Variants in MTMR3 observed in about 807,000 individuals in gnomAD.
The protein encoded by MTMR3 is myotubularin related protein 3, also known as phosphatidylinositol-3,5-bisphosphate 3-phosphatase MTMR3.
Under a neutral mutation model 132.4 loss-of-function variants are expected in MTMR3, and 32 were observed. The observed-to-expected ratio is 0.24, with a 90% CI of 0.18 to 0.32. The LOEUF (loss-of-function observed/expected upper bound fraction) is 0.32. MTMR3 is among the 10% of genes least tolerant of loss of function. The pLI, the probability that MTMR3 is intolerant of heterozygous loss-of-function variation, is 1.00. For synonymous variants in MTMR3, 556 were observed against 550.3 expected (o/e 1.01, Z -0.14); for missense variants, 1,216 against 1,489.6 (o/e 0.82, Z 3.02).
chr22:29,962,137 A>T (rs2066324401), intron 2 of MTMR3, among the ~76,000 whole-genome samples: 1 of 152,258 alleles, frequency 6.6e-6, no homozygotes, highest in Non-Finnish European at 1.5e-5. Flanking sequence ...GGATAGACTT[A>T]TGAAATAGTT....
At chr22:29,983,856 A>C (rs1204116497) in intron 5 of MTMR3, 1 of 151,906 alleles carries the variant, frequency 6.6e-6, no homozygotes, top group Non-Finnish European at 1.5e-5. Flanking sequence ...GGTTGGTCTC[A>C]AAACTCCTGG....
chr22:30,007,867 T>A, intron 10 of MTMR3, 34 bp from the exon 11 acceptor site: 1 of 1,610,924 alleles, frequency 6.2e-7, no homozygotes, highest in Non-Finnish European at 8.5e-7. Flanking sequence ...AGAGACAGGC[T>A]CATTTAGTAT....
At chr22:30,021,012 C>A (rs1569055498) in intron 17 of MTMR3, 128 bp downstream of exon 17, 1 of 954,072 alleles carries the variant, frequency 1.0e-6, no homozygotes, top group Non-Finnish European at 1.5e-6. Context: ...CAGAGTAGCC[C>A]TGTTAAGAGA....
At chr22:29,981,047 A>G (rs2066732337) in intron 5 of MTMR3, 1 of 152,244 alleles carries the variant, frequency 6.6e-6, no homozygotes, top group Admixed American at 6.5e-5. Context: ...AGTTCAGGTG[A>G]TAACTTCTCC....
chr22:29,996,317 A>G (rs2067058936), intron 7 of MTMR3: 1 of 152,242 alleles, frequency 6.6e-6, no homozygotes. Context: ...CCTGCTAGTC[A>G]GTATATATTT....
chr22:29,950,909 T>C (rs965075596), intron 1 of MTMR3, among the ~76,000 whole-genome samples: 2 of 138,636 alleles, frequency 1.4e-5, no homozygotes, highest in African/African-American at 2.5e-5. Flanking sequence ...TCCTAGCACG[T>C]TGGGAGGCCG....
chr22:29,998,494 T>G (rs2067106313), intron 7 of MTMR3: 1 of 182,092 alleles, frequency 5.5e-6, no homozygotes, highest in Non-Finnish European at 1.1e-5. Context: ...AGTGCAAAAA[T>G]TAGCCAGTCA....
intron 1 of MTMR3, among the ~76,000 whole-genome samples, chr22:29,929,441 T>C (rs1342624523): frequency 6.6e-6 from 1 of 152,204 alleles, no homozygotes; most frequent in African/African-American, 2.4e-5. Context: ...TGTTTTCATA[T>C]GTGTGTTGAA....
intron 2 of MTMR3, 61 bp from the exon 3 acceptor site, chr22:29,970,915 C>T (rs937232829): frequency 1.3e-5 from 9 of 715,196 alleles, no homozygotes; most frequent in Middle Eastern, 2.6e-4. Flanking sequence ...AAAACTATTG[C>T]CAATTTTGCC....
chr22:30,016,359 T>G, intron 14 of MTMR3, 169 bp from the exon 15 acceptor site: 3 of 630,956 alleles, frequency 4.8e-6, no homozygotes, highest in African/African-American at 1.8e-5. Flanking sequence ...GGTCCTGGAA[T>G]TGGTGGTGTG....
intron 1 of MTMR3, among the ~76,000 whole-genome samples, chr22:29,947,785 T>G (rs955912930): frequency 6.6e-6 from 1 of 152,194 alleles, no homozygotes; most frequent in Non-Finnish European, 1.5e-5. Flanking sequence ...TGGATGGCAG[T>G]CACATGTATT....
chr22:30,027,074 C>G lies in MTMR3; in HGVS notation c.*1273C>G, dbSNP rs1171905847. The stretch of plus-strand genomic sequence containing the variant: ...AGCTTTGATATGGTCCAAAAACAGC[C>G]TTAAATCAAGAATATTTGTGGAGGT... On this transcript the variant is annotated 3_prime_UTR_variant, in exon 20 of 20. Transcript: ENST00000401950. The G allele has an allele frequency of 6.5e-6, 1 of 152,784 alleles. No individual in the cohort carries two copies. Among genetic ancestry groups the G allele is most frequent in the Admixed American group, 6.5e-5 (1 of 15,284 alleles). 9.5% of individuals were successfully genotyped at this position (152,784 alleles called of 1,614,324 possible).
chr22:29,982,937 T>TTTTTTTTTTTTTTTGTG (rs752531735), intron 5 of MTMR3: 6 of 146,388 alleles, frequency 4.1e-5, no homozygotes, highest in African/African-American at 1.5e-4. Flanking sequence ...AAAAGTTTGT[T>TTTTTTTTTTTTTTTGTG]TGTGTGTGTG....
chr22:29,967,163 G>T (rs570342334), intron 2 of MTMR3, among the ~76,000 whole-genome samples: 8 of 149,790 alleles, frequency 5.3e-5, no homozygotes, highest in Admixed American at 4.7e-4. Context: ...CTTATGAAGA[G>T]TTTGATTATA....
intron 14 of MTMR3, chr22:30,013,794 T>C: frequency 2.9e-6 from 1 of 340,014 alleles, no homozygotes; most frequent in Non-Finnish European, 5.5e-6. Context: ...GTAGAAACCC[T>C]AAATAGCAGT....
At position 29,961,827 on chromosome 22, in the gene MTMR3, T is replaced by A. The variant is rs1453996424; in HGVS notation, c.-85+4739T>A. ...GTTGTCCTATACAAGTGTACCATTT[T>A]AATCTTTTGTATCATTTTTACTGTA... On this transcript the variant is annotated intron_variant, in intron 2 of 19. Coordinates refer to ENST00000401950, the MANE Select transcript of MTMR3 (RefSeq NM_021090.4). 5.3e-5 allele frequency among the ~76,000 whole-genome samples: 8 copies of A among 152,360 alleles called. No individual in the cohort carries two copies. The East Asian group carries it at 1.5e-3, about 29-fold the overall frequency.
At chr22:29,939,736 G>A (rs940262762) in intron 1 of MTMR3, among the ~76,000 whole-genome samples, 4 of 152,024 alleles carry the variant, frequency 2.6e-5, no homozygotes, top group African/African-American at 9.7e-5. Flanking sequence ...TAGGCAGTAT[G>A]GACTTTCAGA....
chr22:29,915,205 T>TTA (rs2065285529), intron 1 of MTMR3, among the ~76,000 whole-genome samples: 2 of 152,350 alleles, frequency 1.3e-5, no homozygotes, highest in South Asian at 4.1e-4. Context: ...ATTCATTCTT[T>TTA]TATAATGACT....
chr22:30,016,723 T>C, intron 15 of MTMR3, 25 bp downstream of exon 15: 1 of 1,592,894 alleles, frequency 6.3e-7, no homozygotes, highest in Non-Finnish European at 8.6e-7. Flanking sequence ...GCCTTTCCAC[T>C]GTGGTCAGCA....
Sources: allele counts gnomAD v4.1 joint callset (sites outside exome capture counted in the v4.1 genomes callset), GRCh38; gene constraint gnomAD v4.1.1; transcripts MANE v1.5; gene names NCBI Gene and HGNC (gene_info 2026-07-23, HGNC 2026-07-21).